CDKAL1: variants seen among roughly 807,000 people sequenced by gnomAD.
CDKAL1 encodes the protein threonylcarbamoyladenosine tRNA methylthiotransferase.
Under a neutral mutation model 68.2 loss-of-function variants are expected in CDKAL1, and 32 were observed. The ratio of observed to expected loss-of-function variants is 0.47; its 90% CI spans 0.35 to 0.63. The LOEUF (loss-of-function observed/expected upper bound fraction) is 0.63. Ranked by LOEUF, CDKAL1 falls within the 30% of genes least tolerant of loss-of-function variation. The probability of loss-of-function intolerance (pLI) is 0.00; values close to 1 mark genes in which losing one functional copy is unlikely to be tolerated. For missense variants in CDKAL1, 606 were observed against 696.7 expected, an observed-to-expected ratio of 0.87 and a Z score of 1.47; for synonymous variants, 234 against 244.3, an observed-to-expected ratio of 0.96 and a Z score of 0.39.
intron 7 of CDKAL1, among the ~76,000 whole-genome samples, chr6:20,761,982 G>T (rs1307602516): frequency 6.6e-6 from 1 of 152,146 alleles, no homozygotes; most frequent in Non-Finnish European, 1.5e-5. Context: ...CTCTGTTGTA[G>T]GATATTGATA....
intron 9 of CDKAL1, among the ~76,000 whole-genome samples, chr6:20,900,811 A>T (rs1761923849): frequency 1.3e-5 from 2 of 152,292 alleles, no homozygotes; most frequent in South Asian, 4.1e-4. Flanking sequence ...TAAAAAAATG[A>T]ATAACATTTC....
intron 2 of CDKAL1, among the ~76,000 whole-genome samples, chr6:20,542,606 C>G (rs1561911952): frequency 6.6e-6 from 1 of 151,844 alleles, no homozygotes; most frequent in Non-Finnish European, 1.5e-5. Context: ...CTATTTTATT[C>G]TAACATAATT....
chr6:20,836,817 T>TA (rs1227191064), intron 8 of CDKAL1, among the ~76,000 whole-genome samples: 12 of 152,070 alleles, frequency 7.9e-5, no homozygotes, highest in Non-Finnish European at 1.6e-4. Context: ...AAAAGAGGTG[T>TA]AATGTGTATG....
chr6:20,942,797 A>G (rs902835603), intron 9 of CDKAL1, among the ~76,000 whole-genome samples: 6 of 150,652 alleles, frequency 4.0e-5, no homozygotes, highest in African/African-American at 1.5e-4. Context: ...TCTACTAAAA[A>G]TACAAAATTT....
chr6:20,678,293 G>C (rs1770215610), intron 5 of CDKAL1, among the ~76,000 whole-genome samples: 1 of 151,952 alleles, frequency 6.6e-6, no homozygotes, highest in Non-Finnish European at 1.5e-5. Flanking sequence ...GCTGGGCATG[G>C]AAAAAACAAA....
At chr6:20,643,421 G>A (rs1014543330) in intron 4 of CDKAL1, among the ~76,000 whole-genome samples, 4 of 152,182 alleles carry the variant, frequency 2.6e-5, no homozygotes, top group South Asian at 2.1e-4. Flanking sequence ...CCAAATTAAT[G>A]TATGAAATTG....
rs112257588 is a variant in CDKAL1, at chr6:20,602,587, T to C, written c.287-46706T>C. Among the ~76,000 whole-genome samples the C allele has an allele frequency of 7.0e-3, 1,069 of 152,330 alleles. 20 individuals carry two copies. Among genetic ancestry groups the C allele is most frequent in the African/African-American group, 0.023 (966 of 41,592 alleles). Reference sequence around the variant, plus strand: ...AACCATCCTGAAAATGGCATAATTATAGTCTTTTGAGGATTGATGGTAGAT... The same window carrying C: ...AACCATCCTGAAAATGGCATAATTACAGTCTTTTGAGGATTGATGGTAGAT... On this transcript the variant is annotated intron_variant, in intron 4 of 15. Coordinates refer to ENST00000274695, the MANE Select transcript of CDKAL1 (RefSeq NM_017774.3).
At chr6:21,175,840 T>C (rs1777552528) in intron 13 of CDKAL1, among the ~76,000 whole-genome samples, 1 of 152,256 alleles carries the variant, frequency 6.6e-6, no homozygotes, top group South Asian at 2.1e-4. Context: ...GGCTTCATGG[T>C]AGTAATCTGC....
intron 9 of CDKAL1, among the ~76,000 whole-genome samples, chr6:20,909,230 T>A (rs958921630): frequency 6.6e-6 from 1 of 151,874 alleles, no homozygotes; most frequent in South Asian, 2.1e-4. Context: ...TTACTCTTGT[T>A]GAATTTAAGC....
intron 9 of CDKAL1, among the ~76,000 whole-genome samples, chr6:20,851,186 C>T (rs764243132): frequency 6.6e-6 from 1 of 152,082 alleles, no homozygotes; most frequent in Non-Finnish European, 1.5e-5. Context: ...CTTCTCACTT[C>T]CTCCTTTCTG....
Position 21,196,545 on chromosome 6 carries a change from G to T in CDKAL1, c.1300-1476G>T, listed in dbSNP as rs1778476484. Among the ~76,000 whole-genome samples the T allele has an allele frequency of 3.9e-5, 6 of 152,154 alleles. No homozygotes were observed. In the South Asian group the frequency reaches 1.2e-3, roughly 32 times the overall value. ...CTTTTGGCTAAGAGGGCTATATTTT[G>T]AATGAGATAGTAAACTAGATAGTAA... is the stretch of plus-strand genomic sequence containing the variant. On this transcript the variant is annotated intron_variant, in intron 13 of 15. Coordinates refer to ENST00000274695, the MANE Select transcript of CDKAL1 (RefSeq NM_017774.3).
chr6:20,976,810 G>A (rs541552780), intron 10 of CDKAL1, among the ~76,000 whole-genome samples: 7 of 152,256 alleles, frequency 4.6e-5, no homozygotes, highest in South Asian at 4.1e-4. Context: ...GTCCATGAGC[G>A]TCACGATGTT....
At chr6:20,609,254 C>CTCCT (rs1766473282) in intron 4 of CDKAL1, among the ~76,000 whole-genome samples, 1 of 90,596 alleles carries the variant, frequency 1.1e-5, no homozygotes, top group African/African-American at 5.6e-5. Flanking sequence ...CTTCTTCTTC[C>CTCCT]TCCTTCCTTC....
intron 12 of CDKAL1, among the ~76,000 whole-genome samples, chr6:21,071,489 G>A (rs1005163051): frequency 6.6e-6 from 1 of 152,112 alleles, no homozygotes; most frequent in African/African-American, 2.4e-5. Context: ...TTTCTTTATA[G>A]CAGTGTGAAA....
chr6:21,076,593 A>G (rs921189577), intron 12 of CDKAL1, among the ~76,000 whole-genome samples: 1 of 152,230 alleles, frequency 6.6e-6, no homozygotes, highest in Non-Finnish European at 1.5e-5. Context: ...TCAGTGTCAG[A>G]TTTTTTAATT....
intron 4 of CDKAL1, among the ~76,000 whole-genome samples, chr6:20,623,859 C>T (rs1481625560): frequency 1.3e-5 from 2 of 151,978 alleles, no homozygotes; most frequent in East Asian, 1.9e-4. Context: ...TTACTTAAGC[C>T]CAGGTTCTTC....
At chr6:20,838,974 CAAA>C (rs773185500) in intron 8 of CDKAL1, among the ~76,000 whole-genome samples, 1 of 99,500 alleles carries the variant, frequency 1.0e-5, no homozygotes, top group Non-Finnish European at 2.1e-5. Context: ...GACTCCATCT[CAAA>C]AAAAAAAAAA....
intron 9 of CDKAL1, among the ~76,000 whole-genome samples, chr6:20,943,453 T>C (rs1213608989): frequency 2.0e-5 from 3 of 152,072 alleles, no homozygotes; most frequent in Non-Finnish European, 2.9e-5. Flanking sequence ...TGATTTATAG[T>C]TTTTGCCAAA....
chr6:20,613,536 A>C (rs1766744824), intron 4 of CDKAL1, among the ~76,000 whole-genome samples: 1 of 150,916 alleles, frequency 6.6e-6, no homozygotes, highest in African/African-American at 2.4e-5. Flanking sequence ...CGGCCTTCCG[A>C]AGTGCTGAGA....
Sources: gnomAD v4.1 joint callset for allele counts (sites outside exome capture counted in the v4.1 genomes callset) on GRCh38, gnomAD v4.1.1 for gene constraint, MANE v1.5 for transcripts, NCBI Gene and HGNC (gene_info 2026-07-23, HGNC 2026-07-21) for gene names.